Variants in ZFHX3 observed in about 807,000 individuals in gnomAD.
ZFHX3 encodes zinc finger homeobox protein 3.
In ZFHX3, 42 loss-of-function variants were observed where a neutral mutation model predicts 279.1. That is an observed-to-expected ratio of 0.15 (90% confidence interval 0.12 to 0.19). The LOEUF (loss-of-function observed/expected upper bound fraction) is 0.19. Ranked by LOEUF, ZFHX3 falls within the 10% of genes least tolerant of loss-of-function variation. The pLI, the probability that ZFHX3 is intolerant of heterozygous loss-of-function variation, is 1.00. For missense variants in ZFHX3, 4,981 were observed against 4,754.0 expected, an observed-to-expected ratio of 1.05 and a Z score of -1.40; for synonymous variants, 2,293 against 1,957.8, an observed-to-expected ratio of 1.17 and a Z score of -4.52.
intron 1 of ZFHX3, among the ~76,000 whole-genome samples, chr16:73,789,777 A>G (rs1026320830): frequency 3.3e-5 from 5 of 152,104 alleles, no homozygotes; most frequent in African/African-American, 1.2e-4. Context: ...CTCTCTTTCT[A>G]AAATGGACAC....
chr16:73,412,824 C>T (rs2017497508), intron 3 of ZFHX3, among the ~76,000 whole-genome samples: 1 of 152,180 alleles, frequency 6.6e-6, no homozygotes, highest in Non-Finnish European at 1.5e-5. Context: ...TGGATTCTTC[C>T]AAATTCTAGA....
At chr16:73,636,107 T>C (rs1363630838) in intron 2 of ZFHX3, among the ~76,000 whole-genome samples, 1 of 152,206 alleles carries the variant, frequency 6.6e-6, no homozygotes, top group African/African-American at 2.4e-5. Context: ...ATTCCCATAT[T>C]TTCAGATCTG....
chr16:73,499,295 A>C (rs928827659), intron 2 of ZFHX3: 1 of 152,190 alleles, frequency 6.6e-6, no homozygotes, highest in Non-Finnish European at 1.5e-5. Context: ...AGAGAGCGGC[A>C]ACTTCCCACA....
At chr16:73,321,180 G>C (rs955114696) in intron 3 of ZFHX3, among the ~76,000 whole-genome samples, 1 of 152,162 alleles carries the variant, frequency 6.6e-6, no homozygotes, top group Non-Finnish European at 1.5e-5. Context: ...TGAGTCTTAC[G>C]TGATAGAACA....
intron 5 of ZFHX3, among the ~76,000 whole-genome samples, chr16:73,175,401 C>CA (rs1555502726): frequency 6.6e-6 from 1 of 151,692 alleles, no homozygotes. Flanking sequence ...AACAAACAAA[C>CA]AAAAAAACCA....
chr16:73,243,852 T>C (rs2013200420), intron 5 of ZFHX3, among the ~76,000 whole-genome samples: 1 of 152,114 alleles, frequency 6.6e-6, no homozygotes, highest in South Asian at 2.1e-4. Context: ...GTTACTTATT[T>C]GGAATTGATA....
intron 5 of ZFHX3, chr16:73,232,745 A>G (rs1419125164): frequency 1.3e-5 from 2 of 152,152 alleles, no homozygotes; most frequent in Non-Finnish European, 2.9e-5. Flanking sequence ...CAGTGAGGTA[A>G]AACACGATTA....
At chr16:73,352,253 A>C (rs1282405796) in intron 3 of ZFHX3, among the ~76,000 whole-genome samples, 1 of 152,216 alleles carries the variant, frequency 6.6e-6, no homozygotes, top group African/African-American at 2.4e-5. Flanking sequence ...GGCCTAAAGC[A>C]GTACTCAGCA....
At chr16:73,583,554 A>G (rs1290357807) in intron 2 of ZFHX3, among the ~76,000 whole-genome samples, 1 of 152,338 alleles carries the variant, frequency 6.6e-6, no homozygotes, top group African/African-American at 2.4e-5. Flanking sequence ...AAATTTTGCC[A>G]TTCTCCTCAG....
At chr16:73,873,070 A>T (rs1268442859) in intron 1 of ZFHX3, among the ~76,000 whole-genome samples, 23 of 14,130 alleles carry the variant, frequency 1.6e-3, no homozygotes, top group African/African-American at 0.012. Flanking sequence ...GTGGTGGCGG[A>T]TGGTGGTGGT....
At chr16:73,694,245 C>T (rs533960828) in intron 1 of ZFHX3, among the ~76,000 whole-genome samples, 2 of 152,256 alleles carry the variant, frequency 1.3e-5, no homozygotes, top group African/African-American at 2.4e-5. Context: ...ATCGCTTGAA[C>T]TGGGGAGGCA....
intron 2 of ZFHX3, among the ~76,000 whole-genome samples, chr16:73,470,980 G>C (rs558345764): frequency 2.6e-4 from 40 of 152,282 alleles, no homozygotes; most frequent in Non-Finnish European, 5.6e-4. Flanking sequence ...AAGAAGAACA[G>C]GATTCTACAG....
At chr16:73,227,013 T>G (rs1235517928) in intron 5 of ZFHX3, among the ~76,000 whole-genome samples, 2 of 152,246 alleles carry the variant, frequency 1.3e-5, no homozygotes, top group Non-Finnish European at 2.9e-5. Flanking sequence ...ATTAACATTT[T>G]ATGCTGAAAT....
intron 1 of ZFHX3, among the ~76,000 whole-genome samples, chr16:73,682,995 GAAAGAAAGAAAGAAAGAGA>G (rs1567550835): frequency 8.1e-5 from 4 of 49,426 alleles, no homozygotes; most frequent in Admixed American, 2.9e-4. Flanking sequence ...AGAAAGAAAA[GAAAGAAAGAAAGAAAGAGA>G]AAGGAGGGAG....
At chr16:72,941,932 G>A (rs940681342) in intron 3 of ZFHX3, among the ~76,000 whole-genome samples, 14 of 152,096 alleles carry the variant, frequency 9.2e-5, no homozygotes, top group Admixed American at 9.2e-4. Context: ...CTACCGAAAT[G>A]GTTTTCATAG....
intron 1 of ZFHX3, among the ~76,000 whole-genome samples, chr16:72,975,781 C>T (rs566878024): frequency 6.6e-6 from 1 of 152,202 alleles, no homozygotes; most frequent in Non-Finnish European, 1.5e-5. Context: ...CTCACCAACT[C>T]AGCAAAAATG....
At chr16:73,749,024 G>C (rs538100689) in intron 1 of ZFHX3, among the ~76,000 whole-genome samples, 1 of 151,916 alleles carries the variant, frequency 6.6e-6, no homozygotes, top group Non-Finnish European at 1.5e-5. Context: ...CTGACCTCAG[G>C]AGATCCGCCC....
chr16:73,253,754 C>T (rs1210396677), intron 5 of ZFHX3, among the ~76,000 whole-genome samples: 2 of 152,040 alleles, frequency 1.3e-5, no homozygotes, highest in Non-Finnish European at 2.9e-5. Flanking sequence ...CACACCCAGC[C>T]GGTTCTACGA....
At chr16:73,666,559 C>T (rs1384514449) in intron 2 of ZFHX3, among the ~76,000 whole-genome samples, 1 of 151,994 alleles carries the variant, frequency 6.6e-6, no homozygotes, top group Non-Finnish European at 1.5e-5. Context: ...AATGTGAGGA[C>T]ATCACGTCAG....
Sources: gnomAD v4.1 joint callset for allele counts (sites outside exome capture counted in the v4.1 genomes callset) on GRCh38, gnomAD v4.1.1 for gene constraint, MANE v1.5 for transcripts, NCBI Gene and HGNC (gene_info 2026-07-23, HGNC 2026-07-21) for gene names.